Variants in EFCAB13 observed in about 807,000 individuals in gnomAD.
EFCAB13 encodes the protein EF-hand calcium binding domain 13.
EFCAB13 carries 91 observed loss-of-function variants against 110.2 expected under a neutral mutation model. The observed-to-expected ratio is 0.83, with a 90% confidence interval of 0.70 to 0.98. The LOEUF (loss-of-function observed/expected upper bound fraction) is 0.98. EFCAB13 is among the 50% of genes least tolerant of loss of function. The pLI, the probability that EFCAB13 is intolerant of heterozygous loss-of-function variation, is 0.00. For synonymous variants in EFCAB13, 323 were observed against 369.9 expected, an observed-to-expected ratio of 0.87 and a Z score of 1.45; for missense variants, 968 against 1,119.4, an observed-to-expected ratio of 0.86 and a Z score of 1.93.
chr17:47,423,277 A>G (rs1277379568), intron 23 of EFCAB13: 2 of 152,196 alleles, frequency 1.3e-5, no homozygotes, highest in Non-Finnish European at 2.9e-5. Context: ...TGGAGAAAAT[A>G]CACAATAATA....
intron 20 of EFCAB13, among the ~76,000 whole-genome samples, chr17:47,407,989 ATCAAATT>A (rs1489437911): frequency 6.6e-6 from 1 of 152,208 alleles, no homozygotes; most frequent in Non-Finnish European, 1.5e-5. Context: ...TCATTACAGT[ATCAAATT>A]TCTGGGTGAT....
chr17:47,343,699 T>C (rs965311635), intron 6 of EFCAB13, among the ~76,000 whole-genome samples: 5 of 152,104 alleles, frequency 3.3e-5, no homozygotes, highest in African/African-American at 9.7e-5. Context: ...TGGAATCATG[T>C]TTATACATGC....
At chr17:47,349,248 TTA>T (rs2065434874) in intron 9 of EFCAB13, among the ~76,000 whole-genome samples, 1 of 152,208 alleles carries the variant, frequency 6.6e-6, no homozygotes, top group South Asian at 2.1e-4. Context: ...TCAGATGACA[TTA>T]AATTGAAATA....
intron 13 of EFCAB13, among the ~76,000 whole-genome samples, chr17:47,378,628 G>C (rs1187138923): frequency 2.0e-5 from 3 of 152,068 alleles, no homozygotes; most frequent in Non-Finnish European, 4.4e-5. Flanking sequence ...TAAAATTATT[G>C]AGCCCTTTTT....
chr17:47,332,405 T>C (rs1029007662), intron 4 of EFCAB13, among the ~76,000 whole-genome samples: 4 of 152,146 alleles, frequency 2.6e-5, no homozygotes, highest in African/African-American at 9.7e-5. Flanking sequence ...CCAACTTTTT[T>C]TGTGGTAAGA....
chr17:47,421,953 C>T (rs1248087110), intron 23 of EFCAB13, among the ~76,000 whole-genome samples: 3 of 152,092 alleles, frequency 2.0e-5, no homozygotes, highest in Non-Finnish European at 4.4e-5. Flanking sequence ...CATTTCCAAC[C>T]TCATTTTATG....
At chr17:47,406,279 TTTTTGTA>T (rs1338344764) in intron 20 of EFCAB13, among the ~76,000 whole-genome samples, 23 of 152,080 alleles carry the variant, frequency 1.5e-4, no homozygotes, top group Admixed American at 1.5e-3. Flanking sequence ...GCCTGGCTAA[TTTTTGTA>T]TTTTTAGTAG....
chr17:47,436,449 C>CTT (rs1318656061), intron 24 of EFCAB13, among the ~76,000 whole-genome samples: 1 of 152,054 alleles, frequency 6.6e-6, no homozygotes, highest in African/African-American at 2.4e-5. Context: ...AATCTTGCTG[C>CTT]TTGTTATTGG....
At chr17:47,428,437 T>C (rs1330936140) in intron 23 of EFCAB13, among the ~76,000 whole-genome samples, 1 of 152,106 alleles carries the variant, frequency 6.6e-6, no homozygotes, top group African/African-American at 2.4e-5. Context: ...TTTATTGTCT[T>C]TGATTATTTG....
chr17:47,370,738 G>GTTTTTT (rs764924546), intron 11 of EFCAB13, among the ~76,000 whole-genome samples: 8 of 127,198 alleles, frequency 6.3e-5, no homozygotes, highest in South Asian at 2.5e-4. Flanking sequence ...GTTGTTGTTT[G>GTTTTTT]TTTTTTTTTT....
intron 24 of EFCAB13, among the ~76,000 whole-genome samples, chr17:47,432,661 G>T (rs1000800747): frequency 5.9e-5 from 9 of 152,080 alleles, no homozygotes; most frequent in African/African-American, 2.2e-4. Flanking sequence ...TTTTAATAAT[G>T]CTTTTTTCTT....
At chr17:47,332,446 T>C (rs1000952513) in intron 4 of EFCAB13, among the ~76,000 whole-genome samples, 2 of 152,094 alleles carry the variant, frequency 1.3e-5, no homozygotes, top group African/African-American at 4.8e-5. Flanking sequence ...TTTTGAAGTA[T>C]ATATTATTTA....
chr17:47,338,023 T>A (rs758472211), intron 5 of EFCAB13, among the ~76,000 whole-genome samples: 22 of 152,204 alleles, frequency 1.4e-4, no homozygotes, highest in Middle Eastern at 3.4e-3. Flanking sequence ...TTTAAAGAGG[T>A]CTTGCATTCA....
At chr17:47,337,479 A>C (rs1210947033) in intron 5 of EFCAB13, among the ~76,000 whole-genome samples, 1 of 152,094 alleles carries the variant, frequency 6.6e-6, no homozygotes, top group African/African-American at 2.4e-5. Flanking sequence ...TAAATATATA[A>C]AAATAAAAAA....
At chr17:47,412,372 A>G (rs572554209) in intron 21 of EFCAB13, among the ~76,000 whole-genome samples, 24 of 152,328 alleles carry the variant, frequency 1.6e-4, no homozygotes, top group Admixed American at 9.1e-4. Context: ...AATTCACACA[A>G]AAGCACAGTA....
At chr17:47,408,738 A>G (rs1310867281) in intron 20 of EFCAB13, among the ~76,000 whole-genome samples, 1 of 152,174 alleles carries the variant, frequency 6.6e-6, no homozygotes, top group Non-Finnish European at 1.5e-5. Flanking sequence ...GGCAATATCT[A>G]GAGACAGTGT....
intron 23 of EFCAB13, among the ~76,000 whole-genome samples, chr17:47,424,872 A>ATTTTTTTTTTTT (rs1459453287): frequency 3.4e-4 from 23 of 68,356 alleles, no homozygotes; most frequent in African/African-American, 4.3e-4. Context: ...CCGGTTGACA[A>ATTTTTTTTTTTT]TCTTTTTTTT....
intron 16 of EFCAB13, among the ~76,000 whole-genome samples, 176 bp downstream of exon 16, chr17:47,394,275 T>C (rs2065725686): frequency 6.6e-6 from 1 of 152,214 alleles, no homozygotes; most frequent in Non-Finnish European, 1.5e-5. Flanking sequence ...TAATGACCCC[T>C]AATTCTAGAA....
chr17:47,364,942 A>G (rs979487002), intron 10 of EFCAB13, among the ~76,000 whole-genome samples: 7 of 152,154 alleles, frequency 4.6e-5, no homozygotes, highest in Non-Finnish European at 8.8e-5. Flanking sequence ...TAGCTGTTGC[A>G]TGTGTTCATT....
Sources: gnomAD v4.1 joint callset for allele counts (sites outside exome capture counted in the v4.1 genomes callset) on GRCh38, gnomAD v4.1.1 for gene constraint, MANE v1.5 for transcripts, NCBI Gene and HGNC (gene_info 2026-07-23, HGNC 2026-07-21) for gene names.